LBHD1: variants seen among roughly 807,000 people sequenced by gnomAD.
The protein encoded by LBHD1 is LBH domain containing 1, also known as LBH domain-containing protein 1.
Under a neutral mutation model 31.1 loss-of-function variants are expected in LBHD1, and 28 were observed. That is an observed-to-expected ratio of 0.90 (90% CI 0.67 to 1.24). LBHD1 has a LOEUF of 1.24. Among genes scored for constraint, LBHD1 ranks in the 50% most tolerant of loss-of-function variants. The probability of loss-of-function intolerance (pLI) is 0.00; values close to 1 mark genes in which losing one functional copy is unlikely to be tolerated. For synonymous variants in LBHD1, 105 were observed against 116.5 expected, an observed-to-expected ratio of 0.90 and a Z score of 0.63; for missense variants, 350 against 323.0, an observed-to-expected ratio of 1.08 and a Z score of -0.64.
chr11:62,667,070 G>C, intron 4 of LBHD1: 3 of 1,552,624 alleles, frequency 1.9e-6, no homozygotes, highest in Non-Finnish European at 2.6e-6. Flanking sequence ...TAGTAGTCCT[G>C]ACCCTAGTAT....
rs746011566 is a variant in LBHD1 at position 62,667,503 on chromosome 11, G to T, written c.538+20C>A. ...CATAAACCTGGATGAGATATTTGAG[G>T]GGGAGGGAACAATACTTACCCTCAA... On this transcript the variant is annotated intron_variant, in intron 4 of 6. Transcript: ENST00000354588. The T allele has an allele frequency of 1.9e-6, 3 of 1,602,462 alleles. No individual in the cohort carries two copies. The East Asian group carries it at 6.7e-5, about 36-fold the overall frequency.
chr11:62,668,949 G>C (rs375924565), intron 3 of LBHD1, among the ~76,000 whole-genome samples: 8 of 151,042 alleles, frequency 5.3e-5, no homozygotes, highest in African/African-American at 1.7e-4. Flanking sequence ...TTTTTTTTGA[G>C]GCAGAATCTG....
chr11:62,666,513 G>T, intron 4 of LBHD1: 2 of 1,614,086 alleles, frequency 1.2e-6, no homozygotes, highest in East Asian at 4.5e-5. Context: ...GAAGTCCAGG[G>T]GCTCCTACTG....
At chr11:62,667,368 G>T in intron 4 of LBHD1, 155 bp downstream of exon 4, 1 of 758,806 alleles carries the variant, frequency 1.3e-6, no homozygotes. Context: ...GACAGGAACT[G>T]AATCAAAACC....
In LBHD1 at chr11:62,663,315, G is replaced by A; in HGVS notation, c.682C>T (p.His228Tyr). The change falls in exon 6 of 7, where the codon CAT becomes TAT. Residue 228 changes from histidine (H) to tyrosine (Y), a missense_variant. Coordinates refer to ENST00000354588, the MANE Select transcript of LBHD1 (RefSeq NM_024099.5). ...TGCGCTTCTTCCCTGACAGTGTAATGTTGGCACGTGCACTGGACCTGATGG... is the reference window on the plus strand; with the variant it reads ...TGCGCTTCTTCCCTGACAGTGTAATATTGGCACGTGCACTGGACCTGATGG... ...QEAGVQCTCQ[H>Y]YTVREEAQKT... The A allele has an allele frequency of 6.2e-7, 1 of 1,614,164 alleles. No individual in the cohort carries two copies. Among genetic ancestry groups the A allele is most frequent in the Non-Finnish European group, 8.5e-7 (1 of 1,180,032 alleles).
intron 4 of LBHD1, chr11:62,665,280 G>C (rs1312147701): frequency 2.2e-5 from 16 of 737,544 alleles, no homozygotes; most frequent in South Asian, 2.1e-4. Context: ...GGGTCCTCGG[G>C]CTATATAAAG....
intron 6 of LBHD1, 35 bp downstream of exon 6, chr11:62,663,201 A>G (rs1944699698): frequency 6.2e-7 from 1 of 1,613,692 alleles, no homozygotes. Context: ...AAATAAATCC[A>G]GGATTCCCCT....
rs1276779240 is a variant in LBHD1 at position 62,662,938 on chromosome 11, G to T, written c.*191C>A. 8 of 806,610 alleles carry T rather than the reference G, an allele frequency of 9.9e-6. No homozygotes were observed. Among genetic ancestry groups the T allele is most frequent in the Non-Finnish European group, 1.6e-5 (8 of 515,220 alleles). 50.0% of individuals were successfully genotyped at this position (806,610 alleles called of 1,614,324 possible). A position where few individuals can be genotyped will look rare whatever the true frequency, so the allele number is the denominator to read the frequency against. ...TCTAGGGGAGGTCAGTAGGCCATTA[G>T]GTAGGAGGAAATCTGGAGAGTGAAA... On this transcript the variant is annotated 3_prime_UTR_variant, in exon 7 of 7. Transcript: ENST00000354588.
intron 3 of LBHD1, 43 bp from the exon 4 acceptor site, chr11:62,667,790 T>G (rs747396088): frequency 8.1e-6 from 11 of 1,361,642 alleles, no homozygotes; most frequent in Non-Finnish European, 1.1e-5. Context: ...TACTGATATA[T>G]TATCAAATTA....
At chr11:62,665,458 G>A in intron 4 of LBHD1, 2 of 1,564,186 alleles carry the variant, frequency 1.3e-6, no homozygotes, top group Admixed American at 1.8e-5. Flanking sequence ...TTGTGGTGCC[G>A]CTCCCCGTAA....
intron 5 of LBHD1, 130 bp from the exon 6 acceptor site, chr11:62,663,463 T>C (rs1360302145): frequency 4.4e-6 from 4 of 899,064 alleles, no homozygotes; most frequent in South Asian, 3.6e-5. Context: ...TCCCAGCACT[T>C]TGGGAGGCCG....
At chr11:62,665,316 C>G (rs574051134) in intron 4 of LBHD1, 20 of 728,458 alleles carry the variant, frequency 2.7e-5, no homozygotes, top group African/African-American at 2.6e-4. Context: ...GGAGGCCTTT[C>G]GGAGGGTGGT....
At chr11:62,669,074 C>A (rs572558562) in intron 3 of LBHD1, among the ~76,000 whole-genome samples, 2 of 151,818 alleles carry the variant, frequency 1.3e-5, no homozygotes, top group Non-Finnish European at 2.9e-5. Context: ...GCGCCCGCCA[C>A]CACGCCCGGC....
At chr11:62,666,323 A>G (rs1336816211) in intron 4 of LBHD1, 2 of 1,461,434 alleles carry the variant, frequency 1.4e-6, no homozygotes, top group Admixed American at 3.5e-5. Flanking sequence ...AAAAAAAAAG[A>G]CGCCAGTGTG....
At chr11:62,669,087 ATT>A in intron 3 of LBHD1, among the ~76,000 whole-genome samples, 1 of 151,188 alleles carries the variant, frequency 6.6e-6, no homozygotes, top group Non-Finnish European at 1.5e-5. Context: ...CGCCCGGCTA[ATT>A]TTTTGTATTT....
At chr11:62,665,335 A>C in intron 4 of LBHD1, 2 of 754,164 alleles carry the variant, frequency 2.7e-6, no homozygotes, top group Non-Finnish European at 4.4e-6. Flanking sequence ...GTGAGCTAGT[A>C]AGTGTGGTTT....
chr11:62,666,823 A>G (rs1412316710), intron 4 of LBHD1: 3 of 1,614,214 alleles, frequency 1.9e-6, no homozygotes, highest in Non-Finnish European at 2.5e-6. Flanking sequence ...ACAAAGGCAC[A>G]TGGGATGCTG....
At chr11:62,665,651 G>A (rs1944786769) in intron 4 of LBHD1, 6 of 1,500,252 alleles carry the variant, frequency 4.0e-6, no homozygotes, top group Admixed American at 2.1e-5. Context: ...TTTCAGGTCT[G>A]CGGACGCTGT....
intron 4 of LBHD1, chr11:62,666,646 G>A: frequency 1.2e-6 from 2 of 1,614,172 alleles, no homozygotes; most frequent in Non-Finnish European, 8.5e-7. Context: ...TGCTGGGGGT[G>A]GACTTTTCTC....
Sources: allele counts gnomAD v4.1 joint callset (sites outside exome capture counted in the v4.1 genomes callset), GRCh38; gene constraint gnomAD v4.1.1; transcripts MANE v1.5; gene names NCBI Gene and HGNC (gene_info 2026-07-23, HGNC 2026-07-21).